SLC35F4: variants seen among roughly 807,000 people sequenced by gnomAD.
SLC35F4 encodes chromosome 14 open reading frame 36.
SLC35F4 carries 24 observed loss-of-function variants against 44.2 expected under a neutral mutation model. That is an observed-to-expected ratio of 0.54 (90% confidence interval 0.39 to 0.76). SLC35F4 has a LOEUF of 0.76. Among genes scored for constraint, SLC35F4 ranks in the 30% least tolerant of loss-of-function variants. SLC35F4 has a pLI of 0.00. For missense variants in SLC35F4, 562 were observed against 586.1 expected, an observed-to-expected ratio of 0.96 and a Z score of 0.42; for synonymous variants, 238 against 223.6, an observed-to-expected ratio of 1.06 and a Z score of -0.57.
intron 1 of SLC35F4, among the ~76,000 whole-genome samples, chr14:57,778,742 TAA>T (rs137932442): frequency 6.1e-5 from 9 of 147,066 alleles, no homozygotes; most frequent in African/African-American, 2.2e-4. Flanking sequence ...CTCAGCAAAT[TAA>T]AAAAAAAACA....
intron 1 of SLC35F4, among the ~76,000 whole-genome samples, chr14:57,615,226 A>G (rs1289349360): frequency 1.3e-5 from 2 of 152,230 alleles, no homozygotes; most frequent in Non-Finnish European, 2.9e-5. Flanking sequence ...TTTCACTAAG[A>G]AAGGGTTTCT....
downstream of SLC35F4, among the ~76,000 whole-genome samples, chr14:57,975,307 A>G (rs1881184188): frequency 6.6e-6 from 1 of 152,208 alleles, no homozygotes; most frequent in Admixed American, 6.5e-5. Flanking sequence ...TACCTCTTTT[A>G]GTAAGCTGAA....
intron 1 of SLC35F4, among the ~76,000 whole-genome samples, chr14:57,920,006 A>T (rs1192147410): frequency 6.6e-6 from 1 of 152,144 alleles, no homozygotes. Flanking sequence ...TTTGCTCATT[A>T]CCATGAGCAG....
chr14:57,904,000 G>C (rs1889062259), intron 1 of SLC35F4, among the ~76,000 whole-genome samples: 1 of 152,090 alleles, frequency 6.6e-6, no homozygotes, highest in African/African-American at 2.4e-5. Flanking sequence ...GCAAAGAAAA[G>C]AAAAAAAGTG....
intron 1 of SLC35F4, among the ~76,000 whole-genome samples, chr14:57,855,754 G>A (rs1001677199): frequency 3.3e-5 from 5 of 152,232 alleles, no homozygotes; most frequent in Admixed American, 6.5e-5. Context: ...ATTTATTGTG[G>A]CACTATGCAC....
At chr14:57,919,643 T>C (rs936099103) in intron 1 of SLC35F4, among the ~76,000 whole-genome samples, 7 of 152,122 alleles carry the variant, frequency 4.6e-5, no homozygotes, top group Non-Finnish European at 1.0e-4. Flanking sequence ...TTCAATTATA[T>C]GATCTGGGGG....
intron 1 of SLC35F4, among the ~76,000 whole-genome samples, chr14:57,823,466 T>C (rs1300723336): frequency 6.6e-6 from 1 of 152,236 alleles, no homozygotes; most frequent in African/African-American, 2.4e-5. Flanking sequence ...CATAGCATAT[T>C]TGAATCACGC....
chr14:57,568,234 G>A (rs552508352), intron 6 of SLC35F4, among the ~76,000 whole-genome samples: 49 of 152,272 alleles, frequency 3.2e-4, no homozygotes, highest in African/African-American at 1.1e-3. Flanking sequence ...GCTTGGTGGC[G>A]AATGCCAGTG....
chr14:57,694,648 C>G (rs577471413), intron 1 of SLC35F4, among the ~76,000 whole-genome samples: 6 of 152,244 alleles, frequency 3.9e-5, no homozygotes, highest in Middle Eastern at 6.8e-3. Flanking sequence ...CTCCACACTA[C>G]TGAATTTTCC....
At chr14:57,747,840 T>C (rs1252406727) in intron 1 of SLC35F4, among the ~76,000 whole-genome samples, 1 of 152,214 alleles carries the variant, frequency 6.6e-6, no homozygotes, top group African/African-American at 2.4e-5. Context: ...AAATGACAGC[T>C]GCCAAAGGCA....
At chr14:57,830,773 T>C (rs1017639432) in intron 1 of SLC35F4, among the ~76,000 whole-genome samples, 3 of 152,102 alleles carry the variant, frequency 2.0e-5, no homozygotes, top group African/African-American at 7.2e-5. Context: ...AAACAGACCA[T>C]GGCTGGAGGT....
At chr14:57,812,361 G>T (rs1311859915) in intron 1 of SLC35F4, among the ~76,000 whole-genome samples, 3 of 152,074 alleles carry the variant, frequency 2.0e-5, no homozygotes, top group Non-Finnish European at 4.4e-5. Flanking sequence ...TCATGCTAAA[G>T]AAACAGAGTG....
chr14:57,634,480 A>G (rs907052579), intron 1 of SLC35F4, among the ~76,000 whole-genome samples: 1 of 152,118 alleles, frequency 6.6e-6, no homozygotes, highest in Non-Finnish European at 1.5e-5. Flanking sequence ...GAACTGAAAG[A>G]TATGAATGAC....
chr14:57,926,226 AC>A (rs569438467), intron 1 of SLC35F4, among the ~76,000 whole-genome samples: 5 of 152,240 alleles, frequency 3.3e-5, no homozygotes, highest in African/African-American at 7.2e-5. Flanking sequence ...TCTGTCACTA[AC>A]CTTTTTACAC....
chr14:57,851,260 A>T (rs1286016198), intron 1 of SLC35F4, among the ~76,000 whole-genome samples: 2 of 152,180 alleles, frequency 1.3e-5, no homozygotes, highest in African/African-American at 2.4e-5. Context: ...TTACCATTAA[A>T]TTTTGCATAC....
At chr14:57,785,320 G>C (rs994174836) in intron 1 of SLC35F4, among the ~76,000 whole-genome samples, 1 of 152,188 alleles carries the variant, frequency 6.6e-6, no homozygotes, top group Non-Finnish European at 1.5e-5. Context: ...TTCTCTCCTT[G>C]ATGATAGATA....
At chr14:57,948,023 G>A (rs1360366155) in intron 1 of SLC35F4, among the ~76,000 whole-genome samples, 2 of 151,948 alleles carry the variant, frequency 1.3e-5, no homozygotes, top group Admixed American at 6.6e-5. Context: ...TTGGCATTAG[G>A]GCGATACTGG....
intron 1 of SLC35F4, among the ~76,000 whole-genome samples, chr14:57,648,348 T>C (rs1430303840): frequency 6.6e-6 from 1 of 152,164 alleles, no homozygotes; most frequent in Non-Finnish European, 1.5e-5. Flanking sequence ...TAAAACAAAA[T>C]AATTTTTAAA....
chr14:57,937,034 G>T (rs1008605538), intron 1 of SLC35F4, among the ~76,000 whole-genome samples: 3 of 150,842 alleles, frequency 2.0e-5, no homozygotes, highest in Non-Finnish European at 4.4e-5. Context: ...CTTACATTTA[G>T]CAGCAGGAAA....
Sources: allele counts gnomAD v4.1 joint callset (sites outside exome capture counted in the v4.1 genomes callset), GRCh38; gene constraint gnomAD v4.1.1; transcripts MANE v1.5; gene names NCBI Gene and HGNC (gene_info 2026-07-23, HGNC 2026-07-21).